Variants in RUNX1T1 observed in about 807,000 individuals in gnomAD.
The protein encoded by RUNX1T1 is RUNX1 partner transcriptional co-repressor 1.
RUNX1T1 carries 4 observed loss-of-function variants against 62.8 expected under a neutral mutation model. The observed-to-expected ratio is 0.06, with a 90% CI of 0.03 to 0.15. The LOEUF is 0.15. Ranked by LOEUF, RUNX1T1 falls within the 10% of genes least tolerant of loss-of-function variation. The probability of loss-of-function intolerance (pLI) is 1.00; values close to 1 mark genes in which losing one functional copy is unlikely to be tolerated. For missense variants in RUNX1T1, 508 were observed against 754.3 expected (o/e 0.67, Z 3.82); for synonymous variants, 291 against 286.0 (o/e 1.02, Z -0.18).
chr8:91,980,469 T>C (rs1279969674), intron 8 of RUNX1T1, among the ~76,000 whole-genome samples: 2 of 152,142 alleles, frequency 1.3e-5, no homozygotes, highest in Admixed American at 6.5e-5. Context: ...GTCCCAAAGG[T>C]ACAACAGATT....
At chr8:91,982,853 C>CA (rs1433237175) in intron 8 of RUNX1T1, among the ~76,000 whole-genome samples, 1 of 149,654 alleles carries the variant, frequency 6.7e-6, no homozygotes, top group East Asian at 2.0e-4. Flanking sequence ...AGTGTATACT[C>CA]AGTGTTAAAA....
chr8:91,993,632 T>C (rs1355297172), intron 5 of RUNX1T1, among the ~76,000 whole-genome samples: 2 of 152,126 alleles, frequency 1.3e-5, no homozygotes, highest in Admixed American at 6.5e-5. Context: ...TCAGGCTTTT[T>C]TCCCCCCAGC....
chr8:92,024,186 C>T (rs1252076069), intron 1 of RUNX1T1, among the ~76,000 whole-genome samples: 4 of 152,064 alleles, frequency 2.6e-5, no homozygotes, highest in African/African-American at 7.2e-5. Flanking sequence ...CTGATTTTCA[C>T]CAAAACCAAG....
chr8:92,009,483 C>A (rs776267050), intron 4 of RUNX1T1, among the ~76,000 whole-genome samples: 1 of 152,038 alleles, frequency 6.6e-6, no homozygotes, highest in Non-Finnish European at 1.5e-5. Flanking sequence ...GATATGGTAA[C>A]CATATGGTGT....
At chr8:91,966,927 A>G (rs1289243588) in intron 10 of RUNX1T1, among the ~76,000 whole-genome samples, 1 of 152,046 alleles carries the variant, frequency 6.6e-6, no homozygotes, top group East Asian at 1.9e-4. Flanking sequence ...AGGAAAAAAC[A>G]AACAAACAAA....
chr8:92,017,234 G>T, exon 2 of RUNX1T1: 1 of 1,603,486 alleles, frequency 6.2e-7, no homozygotes. Flanking sequence ...ACACGTTGTC[G>T]GTGTAAATGA....
intron 1 of RUNX1T1, among the ~76,000 whole-genome samples, chr8:92,020,075 G>C (rs1162034180): frequency 6.6e-6 from 1 of 152,100 alleles, no homozygotes; most frequent in East Asian, 1.9e-4. Flanking sequence ...CCAGCCCAGA[G>C]GTCCTACAAA....
rs544480270 is a variant in RUNX1T1, at chr8:92,070,076, C to G, written c.88+5889G>C. Among the ~76,000 whole-genome samples the G allele has an allele frequency of 3.9e-5, 6 of 152,346 alleles. 1 individual carries two copies. The South Asian group carries it at 1.2e-3, about 32-fold the overall frequency. Reference sequence around the variant, plus strand: ...CTTACTGAGCACCCTCAGTGCAAGTCTCCAAACCCAAATTCTTTCATTTCT... The same window carrying G: ...CTTACTGAGCACCCTCAGTGCAAGTGTCCAAACCCAAATTCTTTCATTTCT... On this transcript the variant is annotated intron_variant, in intron 2 of 11. Transcript: ENST00000265814.
upstream of RUNX1T1, among the ~76,000 whole-genome samples, chr8:92,066,882 G>C (rs146219352): frequency 1.3e-5 from 2 of 152,304 alleles, no homozygotes; most frequent in East Asian, 3.9e-4. Flanking sequence ...AAGGTTAAGA[G>C]GTTATCTGTC....
At chr8:92,095,149 T>G (rs768938675) in intron 1 of RUNX1T1, 2 of 1,535,522 alleles carry the variant, frequency 1.3e-6, no homozygotes, top group South Asian at 2.4e-5. Context: ...TGCTAATCTT[T>G]AAATGTAAAT....
At chr8:92,098,977 G>A (rs894032264) in intron 1 of RUNX1T1, among the ~76,000 whole-genome samples, 3 of 152,190 alleles carry the variant, frequency 2.0e-5, no homozygotes, top group Non-Finnish European at 4.4e-5. Context: ...TATATTAATG[G>A]CTGTGGAAAA....
chr8:92,010,389 C>T (rs1821693762), intron 4 of RUNX1T1: 1 of 152,244 alleles, frequency 6.6e-6, no homozygotes, highest in African/African-American at 2.4e-5. Flanking sequence ...GAATTAACTA[C>T]CCGCTATGCT....
intron 1 of RUNX1T1, among the ~76,000 whole-genome samples, chr8:92,080,109 G>A (rs13273012): frequency 0.75 from 113,240 of 151,812 alleles, 42,928 homozygotes; most frequent in East Asian, 0.99. Flanking sequence ...AGCTCTGTGA[G>A]AGCTAGGGTC....
rs532420898 is a variant in RUNX1T1, at chr8:91,970,787, C to T, written c.1329G>A (p.Glu443=). Residue 443 remains glutamate (E), a synonymous_variant, in exon 10 of 11, where the codon GAG becomes GAA. Coordinates refer to ENST00000396218, the Ensembl canonical transcript of RUNX1T1. ...TCATGTCGTGGGCTTTCCGCTCCGC[C>T]TCAGACACGGCCTTCTGCAGCTCCG... The T allele has an allele frequency of 2.5e-6, 4 of 1,613,340 alleles. 1 individual carries two copies. In the Admixed American group the frequency reaches 6.7e-5, roughly 27 times the overall value.
chr8:91,986,706 T>C (rs769456413), intron 7 of RUNX1T1, among the ~76,000 whole-genome samples, 181 bp downstream of exon 8: 11 of 152,232 alleles, frequency 7.2e-5, no homozygotes, highest in Non-Finnish European at 1.3e-4. Context: ...CAAGTGACTT[T>C]CATATCAATT....
intron 1 of RUNX1T1, among the ~76,000 whole-genome samples, chr8:92,060,553 A>ATATATATATATATATGTGTGTGTGTG: frequency 9.6e-4 from 61 of 63,870 alleles, no homozygotes; most frequent in Non-Finnish European, 1.5e-3. Flanking sequence ...ATATATATAT[A>ATATATATATATATATGTGTGTGTGTG]TGTGTGTGTG....
At position 92,068,839 on chromosome 8, in the gene RUNX1T1, A is replaced by C. The variant is rs542482699; in HGVS notation, c.88+7126T>G. Among the ~76,000 whole-genome samples the C allele has an allele frequency of 3.9e-5, 6 of 152,314 alleles. No individual in the cohort carries two copies. The East Asian group carries it at 1.2e-3, about 30-fold the overall frequency. ...CACCGCTATGAACAACCCTATGAATACATGAGATACCTTTAATCTCACTAC... is the reference window on the plus strand; with the variant it reads ...CACCGCTATGAACAACCCTATGAATCCATGAGATACCTTTAATCTCACTAC... On this transcript the variant is annotated intron_variant, in intron 2 of 11. Transcript: ENST00000265814.
At chr8:92,061,893 T>C (rs1283424841) in intron 1 of RUNX1T1, among the ~76,000 whole-genome samples, 2 of 152,206 alleles carry the variant, frequency 1.3e-5, no homozygotes, top group Non-Finnish European at 2.9e-5. Flanking sequence ...GAGCCTTCAC[T>C]GGCAACGATC....
chr8:92,040,361 A>G lies in RUNX1T1; in HGVS notation c.7+22185T>C, dbSNP rs991766168. The stretch of plus-strand genomic sequence containing the variant: ...TGTGTGTCCCGTGTGTATACTATAT[A>G]CACATACACACGGACACACATGTTC... On this transcript the variant is annotated intron_variant, in intron 1 of 10. Transcript: ENST00000396218. 9.2e-5 allele frequency among the ~76,000 whole-genome samples: 14 copies of G among 152,152 alleles called. 1 individual carries two copies. Among genetic ancestry groups the G allele is most frequent in the Admixed American group, 9.2e-4 (14 of 15,264 alleles).
Sources: gnomAD v4.1 joint callset for allele counts (sites outside exome capture counted in the v4.1 genomes callset) on GRCh38, gnomAD v4.1.1 for gene constraint, MANE v1.5 for transcripts, NCBI Gene and HGNC (gene_info 2026-07-23, HGNC 2026-07-21) for gene names.